PBX1: variants seen among roughly 807,000 people sequenced by gnomAD.
PBX1 encodes the protein pre-B-cell leukemia transcription factor 1.
Under a neutral mutation model 53.4 loss-of-function variants are expected in PBX1, and 6 were observed. The ratio of observed to expected loss-of-function variants is 0.11; its 90% confidence interval spans 0.06 to 0.22. The LOEUF is 0.22. PBX1 is among the 10% of genes least tolerant of loss of function. The probability of loss-of-function intolerance (pLI) is 1.00; values close to 1 mark genes in which losing one functional copy is unlikely to be tolerated. For synonymous variants in PBX1, 204 were observed against 212.3 expected (o/e 0.96, Z 0.34); for missense variants, 251 against 551.4 (o/e 0.46, Z 5.46).
chr1:164,593,613 G>A (rs1222640837), intron 2 of PBX1, among the ~76,000 whole-genome samples: 2 of 141,670 alleles, frequency 1.4e-5, no homozygotes, highest in African/African-American at 2.6e-5. Context: ...TACCTCTAAA[G>A]GTTGTGGCGG....
intron 2 of PBX1, among the ~76,000 whole-genome samples, chr1:164,712,210 G>A (rs535895456): frequency 7.4e-5 from 11 of 149,116 alleles, no homozygotes; most frequent in Admixed American, 1.3e-4. Context: ...ACTGCCAGTC[G>A]GGCAGCTCTC....
chr1:164,736,159 C>T (rs1665258040), intron 2 of PBX1, among the ~76,000 whole-genome samples: 2 of 152,302 alleles, frequency 1.3e-5, no homozygotes, highest in East Asian at 3.9e-4. Context: ...GCCCCTCTCC[C>T]CTCCCTTCAC....
At position 164,780,460 on chromosome 1, in the gene PBX1, C is replaced by T. The variant is rs189046648; in HGVS notation, c.266-12034C>T. Among the ~76,000 whole-genome samples the T allele has an allele frequency of 3.7e-3, 564 of 152,290 alleles. 3 individuals are homozygous for T. Among genetic ancestry groups the T allele is most frequent in the African/African-American group, 0.013 (543 of 41,538 alleles). On this transcript the variant is annotated intron_variant, in intron 2 of 8. Coordinates refer to ENST00000420696, the MANE Select transcript of PBX1 (RefSeq NM_002585.4). ...TCAGGATGGAATTTGAATGCTCGCACTCAAGTTCAAGAAAAGTTAAACCCA... is the reference window on the plus strand; with the variant it reads ...TCAGGATGGAATTTGAATGCTCGCATTCAAGTTCAAGAAAAGTTAAACCCA...
At chr1:164,684,003 T>C (rs552608601) in intron 2 of PBX1, 20 of 152,218 alleles carry the variant, frequency 1.3e-4, no homozygotes, top group African/African-American at 4.8e-4. Context: ...TTCATAGAGA[T>C]GAAGGGGTCT....
At chr1:164,878,911 GC>G (rs1672577060) in intron 2 of PBX1, among the ~76,000 whole-genome samples, 2 of 152,154 alleles carry the variant, frequency 1.3e-5, no homozygotes, top group Non-Finnish European at 2.9e-5. Context: ...AGAAATTATG[GC>G]AGCCGGAGCA....
At position 164,761,951 on chromosome 1, in the gene PBX1, A is replaced by G. The variant is rs1473488566; in HGVS notation, c.266-30543A>G. On this transcript the variant is annotated intron_variant, in intron 2 of 8. Transcript: ENST00000420696. ...TACCAGTAATGTCAAAGAAGGGGGG[A>G]TGAACCAACTATATTCTCTAAGATT... Among the ~76,000 whole-genome samples the G allele has an allele frequency of 2.6e-5, 4 of 152,110 alleles. No homozygotes were observed. In the East Asian group the frequency reaches 7.7e-4, roughly 29 times the overall value.
intron 2 of PBX1, among the ~76,000 whole-genome samples, chr1:164,725,386 A>T (rs573978181): frequency 2.6e-4 from 39 of 152,280 alleles, no homozygotes; most frequent in Admixed American, 2.4e-3. Flanking sequence ...CAGAAACGCT[A>T]GGAGGAAGTT....
chr1:164,689,927 A>C (rs1662362695), intron 2 of PBX1, among the ~76,000 whole-genome samples: 1 of 152,070 alleles, frequency 6.6e-6, no homozygotes, highest in Non-Finnish European at 1.5e-5. Flanking sequence ...CTAAGTGCCA[A>C]ATGTTTCTTG....
At chr1:164,771,317 C>T (rs1219274309) in intron 2 of PBX1, 1 of 152,068 alleles carries the variant, frequency 6.6e-6, no homozygotes. Flanking sequence ...TCTTCCTCCA[C>T]CTCTGTATCC....
At chr1:164,731,494 C>A (rs751435521) in intron 2 of PBX1, among the ~76,000 whole-genome samples, 65 of 152,090 alleles carry the variant, frequency 4.3e-4, no homozygotes, top group Non-Finnish European at 7.6e-4. Context: ...AGCAGGGCTG[C>A]CTAACTGGTA....
In PBX1 at chr1:164,712,929, C is replaced by T. The variant is rs562488926; in HGVS notation, c.266-79565C>T. Among the ~76,000 whole-genome samples, 4 of 152,302 alleles carry T rather than the reference C, an allele frequency of 2.6e-5. 1 individual carries two copies. The highest frequency in any genetic ancestry group is 1.3e-4 in the Admixed American group (2 of 15,304). Reference sequence around the variant, plus strand: ...GTCTAAATCCATTTTGCCTGGACGACGACTTCATGGCATCCCTCCAGAATG... The same window carrying T: ...GTCTAAATCCATTTTGCCTGGACGATGACTTCATGGCATCCCTCCAGAATG... On this transcript the variant is annotated intron_variant, in intron 2 of 8. Transcript: ENST00000420696.
intron 2 of PBX1, among the ~76,000 whole-genome samples, chr1:164,865,485 G>A (rs1672196009): frequency 6.6e-6 from 1 of 152,190 alleles, no homozygotes; most frequent in Admixed American, 6.5e-5. Context: ...TGCATAGTAG[G>A]CAGGAAAAGT....
chr1:164,873,442 T>C (rs545719121), intron 2 of PBX1, among the ~76,000 whole-genome samples: 1 of 152,330 alleles, frequency 6.6e-6, no homozygotes, highest in African/African-American at 2.4e-5. Flanking sequence ...ATAATGTGAA[T>C]GTGGCATGAC....
rs760634699 is a variant in PBX1, at chr1:164,638,870, G to A, written c.265+75559G>A. Reference sequence around the variant, plus strand: ...GTTGTGTGCATGGAACATTGGAAGCGTTTGGAACGGAATGCTTAAGGAAGA... The same window carrying A: ...GTTGTGTGCATGGAACATTGGAAGCATTTGGAACGGAATGCTTAAGGAAGA... On this transcript the variant is annotated intron_variant, in intron 2 of 8. Transcript: ENST00000420696. 4.6e-5 allele frequency among the ~76,000 whole-genome samples: 7 copies of A among 152,312 alleles called. No individual in the cohort carries two copies. The East Asian group carries it at 5.8e-4, about 13-fold the overall frequency.
At chr1:164,745,214 GGGC>G (rs1421288244) in intron 2 of PBX1, among the ~76,000 whole-genome samples, 4 of 152,118 alleles carry the variant, frequency 2.6e-5, no homozygotes, top group Admixed American at 6.5e-5. Context: ...TGGAAAGCAT[GGGC>G]CACAGATTGA....
intron 2 of PBX1, among the ~76,000 whole-genome samples, chr1:164,857,977 C>T (rs1412759511): frequency 6.6e-6 from 1 of 152,172 alleles, no homozygotes; most frequent in Non-Finnish European, 1.5e-5. Context: ...TCTCTGGGTG[C>T]ATCTTCAAGC....
intron 2 of PBX1, among the ~76,000 whole-genome samples, chr1:164,637,428 G>A (rs1557907307): frequency 1.3e-5 from 2 of 152,186 alleles, no homozygotes. Context: ...CGGTGGCTGA[G>A]GCCGTTGACT....
chr1:164,846,381 C>T (rs1405561176), intron 8 of PBX1, among the ~76,000 whole-genome samples: 3 of 152,112 alleles, frequency 2.0e-5, no homozygotes, highest in Non-Finnish European at 4.4e-5. Flanking sequence ...AACATCATAT[C>T]CAGAGGCTCA....
intron 8 of PBX1, among the ~76,000 whole-genome samples, chr1:164,840,355 A>AC (rs35848860): frequency 0.28 from 42,850 of 152,038 alleles, 6,337 homozygotes; most frequent in Middle Eastern, 0.36. Flanking sequence ...ATAAAATTAC[A>AC]GTGTAACAGG....
Sources: gnomAD v4.1 joint callset for allele counts (sites outside exome capture counted in the v4.1 genomes callset) on GRCh38, gnomAD v4.1.1 for gene constraint, MANE v1.5 for transcripts, NCBI Gene and HGNC (gene_info 2026-07-23, HGNC 2026-07-21) for gene names.